Variants in VPS54 observed in about 807,000 individuals in gnomAD.
VPS54 encodes vacuolar protein sorting-associated protein 54.
In VPS54, 45 loss-of-function variants were observed where a neutral mutation model predicts 121.5. That is an observed-to-expected ratio of 0.37 (90% CI 0.29 to 0.47). VPS54 has a LOEUF of 0.47. VPS54 is among the 20% of genes least tolerant of loss of function. VPS54 has a pLI of 0.99. For missense variants in VPS54, 1,090 were observed against 1,131.4 expected (o/e 0.96, Z 0.52); for synonymous variants, 371 against 385.8 (o/e 0.96, Z 0.45).
chr2:63,895,315 G>C (rs574616967), intron 22 of VPS54, among the ~76,000 whole-genome samples: 16 of 152,140 alleles, frequency 1.1e-4, no homozygotes, highest in African/African-American at 2.4e-4. Flanking sequence ...GTAGCCAGGC[G>C]TGGTGGCACG....
intron 5 of VPS54, among the ~76,000 whole-genome samples, chr2:63,966,760 TG>T (rs1442616747): frequency 6.6e-6 from 1 of 152,246 alleles, no homozygotes; most frequent in Non-Finnish European, 1.5e-5. Context: ...CTTACCTCTT[TG>T]TATCTTGTCA....
intron 12 of VPS54, among the ~76,000 whole-genome samples, chr2:63,923,663 C>CT (rs1673753440): frequency 6.6e-6 from 1 of 152,156 alleles, no homozygotes. Flanking sequence ...ATGGATGAAA[C>CT]TTGAGGACAT....
intron 7 of VPS54, among the ~76,000 whole-genome samples, chr2:63,961,437 T>C (rs1040348052): frequency 2.6e-5 from 4 of 152,220 alleles, no homozygotes; most frequent in African/African-American, 9.6e-5. Flanking sequence ...TGGATGGTTT[T>C]CCCAGCAGAT....
intron 3 of VPS54, 72 bp downstream of exon 3, chr2:63,981,574 C>G: frequency 6.8e-7 from 1 of 1,473,264 alleles, no homozygotes; most frequent in Non-Finnish European, 9.1e-7. Context: ...GGTCAAAAAT[C>G]TATAATAAAG....
intron 7 of VPS54, among the ~76,000 whole-genome samples, chr2:63,956,082 C>G (rs1372928777): frequency 6.6e-6 from 1 of 152,120 alleles, no homozygotes; most frequent in Admixed American, 6.5e-5. Flanking sequence ...ATGTTCAATA[C>G]AGTGACCTCT....
intron 5 of VPS54, among the ~76,000 whole-genome samples, chr2:63,967,735 A>AAAAAAAAAAAAAAAAAAAC (rs1676072902): frequency 1.3e-5 from 2 of 149,368 alleles, no homozygotes; most frequent in African/African-American, 4.9e-5. Context: ...AAAAAAAAAA[A>AAAAAAAAAAAAAAAAAAAC]TCTTATAAGG....
intron 15 of VPS54, among the ~76,000 whole-genome samples, chr2:63,917,865 A>C (rs1212300211): frequency 6.6e-6 from 1 of 151,690 alleles, no homozygotes; most frequent in Non-Finnish European, 1.5e-5. Flanking sequence ...AAGTTGCTTA[A>C]CCTCTTTGTG....
intron 7 of VPS54, among the ~76,000 whole-genome samples, chr2:63,953,639 G>T (rs931442472): frequency 2.6e-5 from 4 of 152,140 alleles, no homozygotes; most frequent in Non-Finnish European, 5.9e-5. Flanking sequence ...GGTAAAAACA[G>T]CAAGGTGGAG....
intron 6 of VPS54, among the ~76,000 whole-genome samples, chr2:63,963,993 G>C (rs1248736296): frequency 1.3e-5 from 2 of 152,134 alleles, no homozygotes; most frequent in African/African-American, 2.4e-5. Flanking sequence ...GCAGTGCAGT[G>C]ATTTGCATTC....
At chr2:63,912,450 T>C (rs1673190017) in intron 19 of VPS54, 25 bp from the exon 20 acceptor site, 3 of 1,611,528 alleles carry the variant, frequency 1.9e-6, no homozygotes, top group Non-Finnish European at 2.5e-6. Context: ...GATAATTGTA[T>C]TTTTAAGTCC....
chr2:63,992,800 C>T (rs1328152583), intron 1 of VPS54, among the ~76,000 whole-genome samples: 1 of 152,164 alleles, frequency 6.6e-6, no homozygotes, highest in Non-Finnish European at 1.5e-5. Context: ...AAAAATTGGC[C>T]TCTCATAGTT....
rs927385995 is a variant in VPS54, at chr2:63,892,849, A to G, written c.*581T>C. ...AGTAGAAATATTAAATATGCAACAC[A>G]CAAAGCCTGCAACTTGACATTGGTC... On this transcript the variant is annotated 3_prime_UTR_variant, in exon 23 of 23. Transcript: ENST00000272322. 2 of 153,004 alleles carry G rather than the reference A, an allele frequency of 1.3e-5. No homozygotes were observed. The highest frequency in any genetic ancestry group is 2.9e-5 in the Non-Finnish European group (2 of 68,606). 9.5% of individuals were successfully genotyped at this position (153,004 alleles called of 1,614,324 possible). A position where few individuals can be genotyped will look rare whatever the true frequency, so the allele number is the denominator to read the frequency against.
At position 63,912,610 on chromosome 2, in the gene VPS54, C is replaced by CG; in HGVS notation, c.2473dup (p.Arg825ProfsTer5). ...TGGTAGTCGAGCTTCAAAATGAGCCCGGATCACAGGAATGTAGTGCACAAT... is the reference window on the plus strand; with the variant it reads ...TGGTAGTCGAGCTTCAAAATGAGCCCGGGATCACAGGAATGTAGTGCACAAT... On this transcript the variant is annotated frameshift_variant, in exon 19 of 23. Transcript: ENST00000272322. LOFTEE classifies it high-confidence loss of function. The CG allele has an allele frequency of 6.3e-7, 1 of 1,596,168 alleles. No individual in the cohort carries two copies. The highest frequency in any genetic ancestry group is 8.5e-7 in the Non-Finnish European group (1 of 1,175,922).
At chr2:63,926,583 G>A (rs570910669) in intron 12 of VPS54, among the ~76,000 whole-genome samples, 2 of 152,308 alleles carry the variant, frequency 1.3e-5, no homozygotes, top group Admixed American at 1.3e-4. Flanking sequence ...CAGAAGACGG[G>A]TGATCTCTGC....
At chr2:63,963,095 G>A (rs182360654) in intron 6 of VPS54, among the ~76,000 whole-genome samples, 4 of 152,032 alleles carry the variant, frequency 2.6e-5, no homozygotes, top group South Asian at 4.1e-4. Flanking sequence ...TAGACTGATG[G>A]TTCAGTCACA....
rs34015596 is a variant in VPS54 at position 63,933,730 on chromosome 2, G to C, written c.1682C>G (p.Ser561Cys). ...SVSEPECTTD[S>C]SSSKEHTSSS... ...TGATGTGTGCTCTTTGCTGGATGAA[G>C]AATCAGTAGTACATTCTGGCTCGGA... Residue 561 changes from serine to cysteine, a missense_variant, in exon 12 of 23, where the codon TCT becomes TGT. Transcript: ENST00000272322. 8,319 of 1,613,732 alleles carry C rather than the reference G, an allele frequency of 5.2e-3. 348 individuals carry two copies. The African/African-American group carries it at 0.098, about 19-fold the overall frequency.
intron 12 of VPS54, among the ~76,000 whole-genome samples, chr2:63,922,058 C>A (rs752979684): frequency 2.6e-5 from 4 of 152,150 alleles, no homozygotes; most frequent in East Asian, 1.9e-4. Context: ...TTCAGTTCAA[C>A]TGAACTAATA....
At chr2:63,896,370 C>T (rs1395274699) in intron 22 of VPS54, among the ~76,000 whole-genome samples, 1 of 151,958 alleles carries the variant, frequency 6.6e-6, no homozygotes, top group Non-Finnish European at 1.5e-5. Context: ...GGAGAAGGAG[C>T]AAAAGTGGCA....
intron 1 of VPS54, among the ~76,000 whole-genome samples, chr2:63,991,206 T>C (rs1041000691): frequency 1.3e-5 from 2 of 152,252 alleles, no homozygotes; most frequent in Non-Finnish European, 2.9e-5. Flanking sequence ...CTGTTTCTTT[T>C]ACTATGGTTA....
Sources: gnomAD v4.1 joint callset for allele counts (sites outside exome capture counted in the v4.1 genomes callset) on GRCh38, gnomAD v4.1.1 for gene constraint, MANE v1.5 for transcripts, NCBI Gene and HGNC (gene_info 2026-07-23, HGNC 2026-07-21) for gene names.